The following TTLL3 variants were observed in gnomAD, a reference collection of about 807,000 sequenced individuals.
TTLL3 encodes tubulin monoglycylase TTLL3.
In TTLL3, 63 loss-of-function variants were observed where a neutral mutation model predicts 75.2. The ratio of observed to expected loss-of-function variants is 0.84; its 90% CI spans 0.68 to 1.03. TTLL3 has a LOEUF of 1.03. Ranked by LOEUF, TTLL3 falls within the 50% of genes least tolerant of loss-of-function variation. The pLI, the probability that TTLL3 is intolerant of heterozygous loss-of-function variation, is 0.00. For synonymous variants in TTLL3, 393 were observed against 418.5 expected (o/e 0.94, Z 0.74); for missense variants, 997 against 1,069.9 (o/e 0.93, Z 0.95).
chr3:9,819,383 TC>T, intron 7 of TTLL3: 1 of 416,634 alleles, frequency 2.4e-6, no homozygotes, highest in Non-Finnish European at 3.3e-6. Context: ...ACACTTGTCT[TC>T]CCATCCGTTT....
At chr3:9,810,238 G>T, upstream of TTLL3, 1 of 1,507,952 alleles carries the variant, frequency 6.6e-7, no homozygotes, top group Non-Finnish European at 8.8e-7. This position sits in a 1 kb window ranked among gnomAD's most constrained non-coding sequence, Gnocchi z 4.4. Flanking sequence ...GGAGGGTCAC[G>T]CAGGCGGCAG....
chr3:9,815,992 G>A (rs898211550), intron 4 of TTLL3, 82 bp from the exon 5 acceptor site: 78 of 1,248,990 alleles, frequency 6.2e-5, no homozygotes, highest in Non-Finnish European at 5.1e-5. Flanking sequence ...CACCCACCCT[G>A]CTCAGCAGGG....
intron 2 of TTLL3, among the ~76,000 whole-genome samples, chr3:9,812,442 G>A (rs1236467258): frequency 6.6e-6 from 1 of 152,124 alleles, no homozygotes; most frequent in Non-Finnish European, 1.5e-5. Context: ...TCGAACCCGG[G>A]AGGTGGAGGT....
At chr3:9,818,981 A>G (rs1408308530) in intron 7 of TTLL3, 61 bp downstream of exon 7, 2 of 1,607,836 alleles carry the variant, frequency 1.2e-6, no homozygotes, top group African/African-American at 2.7e-5. Context: ...CCGCCCTTCC[A>G]CCTATCTGCC....
chr3:9,835,784 A>C lies in TTLL3; in HGVS notation c.*295A>C. 2.7e-6 allele frequency: 1 copy of C among 373,742 alleles called. No homozygotes were observed. 23.2% of individuals were successfully genotyped at this position (373,742 alleles called of 1,614,324 possible). A position where few individuals can be genotyped will look rare whatever the true frequency, so the allele number is the denominator to read the frequency against. ...ACACCTACCGGGCATAGGAACGTTA[A>C]TGCCATGAGACAGGGGAAGGAATTG... On this transcript the variant is annotated 3_prime_UTR_variant, in exon 14 of 14. Coordinates refer to ENST00000685419, the MANE Select transcript of TTLL3 (RefSeq NM_001387446.1).
At position 9,835,264 on chromosome 3, in the gene TTLL3, C is replaced by A; in HGVS notation, c.2223C>A (p.Ser741Arg). 1 of 1,614,106 alleles carries A rather than the reference C, an allele frequency of 6.2e-7. No homozygotes were observed. Among genetic ancestry groups the A allele is most frequent in the Non-Finnish European group, 8.5e-7 (1 of 1,179,950 alleles). The change falls in exon 14 of 14, where the codon AGC (serine) becomes AGA (arginine). Residue 741 changes from serine to arginine, a missense_variant. By Grantham distance (110) the Ser-to-Arg change is moderately radical. Coordinates refer to ENST00000685419, the MANE Select transcript of TTLL3 (RefSeq NM_001387446.1). ...RAEACPMKRLSPLKPLPLVGT... is the reference protein window; with the variant it reads ...RAEACPMKRLRPLKPLPLVGT... ...AGGCCTGCCCCATGAAGAGGCTGAG[C>A]CCCCTGAAACCCCTGCCCCTTGTTG... is the stretch of plus-strand genomic sequence containing the variant.
rs1177795451 is a variant in TTLL3, at chr3:9,834,555, G to A, written c.1826-126G>A. ...TCTCACTGCCTCTGGAGGAGGAACC[G>A]GGAGGGCTCCGTCGGCCTTCACCCC... is the stretch of plus-strand genomic sequence containing the variant. On this transcript the variant is annotated intron_variant, in intron 12 of 13. Transcript: ENST00000685419. The A allele has an allele frequency of 8.6e-5, 125 of 1,450,416 alleles. 1 individual carries two copies. In the East Asian group the frequency reaches 2.3e-3, roughly 27 times the overall value. 89.8% of individuals were successfully genotyped at this position (1,450,416 alleles called of 1,614,324 possible). A position where few individuals can be genotyped will look rare whatever the true frequency, so the allele number is the denominator to read the frequency against.
At chr3:9,833,458 A>G (rs922679594) in intron 12 of TTLL3, among the ~76,000 whole-genome samples, 5 of 152,202 alleles carry the variant, frequency 3.3e-5, no homozygotes, top group African/African-American at 2.4e-5. Context: ...CATTTTCACC[A>G]TGACCTTTTC....
At chr3:9,815,920 G>C (rs939583870) in intron 4 of TTLL3, among the ~76,000 whole-genome samples, 154 bp from the exon 5 acceptor site, 16 of 152,200 alleles carry the variant, frequency 1.1e-4, no homozygotes, top group Non-Finnish European at 1.6e-4. Context: ...AAATCTTCTT[G>C]ACTTACACAA....
At chr3:9,826,291 C>T (rs1235434121) in intron 9 of TTLL3, among the ~76,000 whole-genome samples, 1 of 152,174 alleles carries the variant, frequency 6.6e-6, no homozygotes, top group Non-Finnish European at 1.5e-5. Flanking sequence ...GAAGGATATC[C>T]ATAAGGTCCT....
At chr3:9,817,176 G>C (rs1382151454) in intron 5 of TTLL3, among the ~76,000 whole-genome samples, 2 of 152,146 alleles carry the variant, frequency 1.3e-5, no homozygotes, top group African/African-American at 4.8e-5. Flanking sequence ...TGTAATCCCA[G>C]CACTTTGGGA....
intron 5 of TTLL3, among the ~76,000 whole-genome samples, chr3:9,817,198 G>A (rs2079956899): frequency 6.6e-6 from 1 of 152,100 alleles, no homozygotes; most frequent in Non-Finnish European, 1.5e-5. Flanking sequence ...GCCGAGGCAG[G>A]CAGATCACCA....
intron 4 of TTLL3, among the ~76,000 whole-genome samples, chr3:9,815,241 C>CAAAA (rs55895905): frequency 1.4e-5 from 2 of 140,594 alleles, no homozygotes; most frequent in South Asian, 2.2e-4. Flanking sequence ...GACTCCATCT[C>CAAAA]AAAAAAAAAA....
chr3:9,816,202 G>A lies in TTLL3; in HGVS notation c.444G>A (p.Lys148=). 1 of 1,350,938 alleles carries A rather than the reference G, an allele frequency of 7.4e-7. No homozygotes were observed. The highest frequency in any genetic ancestry group is 9.9e-7 in the Non-Finnish European group (1 of 1,014,422). The allele number at this position is 1,350,938 out of a possible 1,614,324, so 83.7% of individuals were successfully genotyped here. A position where few individuals can be genotyped will look rare whatever the true frequency, so the allele number is the denominator to read the frequency against. ...CCCGGGCTGGCTCCTTTACCACAAA[G>A]GTGGGCTCCCTAGAGGAGCAGGCAG... ...HYARAGSFTT[K]VGLCLNLRNL... The change falls in exon 5 of 14, where the codon AAG becomes AAA. Residue 148 remains lysine (K), a splice_region_variant and synonymous_variant. Coordinates refer to ENST00000685419, the MANE Select transcript of TTLL3 (RefSeq NM_001387446.1).
At chr3:9,816,018 T>C in intron 4 of TTLL3, 56 bp from the exon 5 acceptor site, 23 of 1,309,962 alleles carry the variant, frequency 1.8e-5, no homozygotes, top group Non-Finnish European at 2.3e-5. Context: ...AGAGGCTGCC[T>C]TAGGCCCTGC....
At position 9,835,273 on chromosome 3, in the gene TTLL3, AC is replaced by A. The variant is rs113907598; in HGVS notation, c.2236del (p.Leu746CysfsTer16). On this transcript the variant is annotated frameshift_variant, in exon 14 of 14. Transcript: ENST00000685419. LOFTEE classifies it low-confidence loss of function (END_TRUNC). ...CPMKRLSPLK[P>X]LPLVGTFQRR... ...CCATGAAGAGGCTGAGCCCCCTGAA[AC>A]CCCTGCCCCTTGTTGGTACATTCCA... The A allele has an allele frequency of 2.4e-5, 39 of 1,613,874 alleles. No individual in the cohort carries two copies. The African/African-American group carries it at 4.0e-4, about 17-fold the overall frequency.
At chr3:9,819,119 T>C in intron 7 of TTLL3, 199 bp downstream of exon 7, 1 of 669,468 alleles carries the variant, frequency 1.5e-6, no homozygotes, top group Non-Finnish European at 2.5e-6. Context: ...ATTCACCCAC[T>C]CTCTGATCTA....
chr3:9,820,945 G>A (rs1372696690), intron 8 of TTLL3: 8 of 757,894 alleles, frequency 1.1e-5, no homozygotes, highest in Non-Finnish European at 1.6e-5. Context: ...TAGTCACTAA[G>A]AGCATGGACT....
chr3:9,817,504 G>A, intron 5 of TTLL3, 141 bp from the exon 6 acceptor site: 1 of 1,514,800 alleles, frequency 6.6e-7, no homozygotes, highest in South Asian at 1.3e-5. Flanking sequence ...GCAAATATAT[G>A]GTGATAGATG....
Sources: allele counts gnomAD v4.1 joint callset (sites outside exome capture counted in the v4.1 genomes callset), GRCh38; gene constraint gnomAD v4.1.1; non-coding constraint Gnocchi (gnomAD v3.1); transcripts MANE v1.5; gene names NCBI Gene and HGNC (gene_info 2026-07-23, HGNC 2026-07-21).